Variants in SUGCT observed in about 807,000 individuals in gnomAD.
The protein encoded by SUGCT is succinyl-CoA:glutarate-CoA transferase, also known as succinyl-CoA:glutarate CoA-transferase.
Under a neutral mutation model 55.0 loss-of-function variants are expected in SUGCT, and 41 were observed. The observed-to-expected ratio is 0.74, with a 90% confidence interval of 0.58 to 0.97. The LOEUF is 0.97. Among genes scored for constraint, SUGCT ranks in the 50% least tolerant of loss-of-function variants. The pLI is 0.00. For missense variants in SUGCT, 568 were observed against 547.8 expected (o/e 1.04, Z -0.37); for synonymous variants, 187 against 200.4 (o/e 0.93, Z 0.56).
intron 7 of SUGCT, among the ~76,000 whole-genome samples, chr7:40,240,097 A>T (rs1262951541): frequency 6.6e-6 from 1 of 152,216 alleles, no homozygotes. Context: ...TGCTATGAAC[A>T]TATATAAATA....
chr7:40,699,375 C>T (rs573683951), intron 12 of SUGCT, among the ~76,000 whole-genome samples: 1 of 151,944 alleles, frequency 6.6e-6, no homozygotes, highest in South Asian at 2.1e-4. Flanking sequence ...AAGGTGGGGA[C>T]GTGAGAAGAA....
intron 9 of SUGCT, among the ~76,000 whole-genome samples, chr7:40,427,128 A>T (rs952845845): frequency 1.3e-5 from 2 of 152,170 alleles, no homozygotes; most frequent in Non-Finnish European, 2.9e-5. Flanking sequence ...CACATTTTAA[A>T]TTTTGATTGA....
At chr7:40,515,220 C>T (rs1025922851) in intron 12 of SUGCT, among the ~76,000 whole-genome samples, 6 of 152,186 alleles carry the variant, frequency 3.9e-5, no homozygotes, top group East Asian at 3.8e-4. Context: ...TCCTGATCCA[C>T]GGCCATCATT....
chr7:40,319,873 A>C (rs1466643451), intron 9 of SUGCT, among the ~76,000 whole-genome samples: 2 of 152,134 alleles, frequency 1.3e-5, no homozygotes, highest in Non-Finnish European at 2.9e-5. Flanking sequence ...TCCAGGCTGG[A>C]GTGCAGTGGT....
chr7:40,756,076 T>C (rs1788238470), intron 13 of SUGCT, among the ~76,000 whole-genome samples: 1 of 152,224 alleles, frequency 6.6e-6, no homozygotes, highest in Non-Finnish European at 1.5e-5. Context: ...TAAAGTTGAA[T>C]GTACTCCTCT....
chr7:40,483,983 A>G (rs1562808867), intron 11 of SUGCT, among the ~76,000 whole-genome samples: 1 of 152,188 alleles, frequency 6.6e-6, no homozygotes. Flanking sequence ...ACCCTTAGGA[A>G]ATCACTGATA....
intron 9 of SUGCT, among the ~76,000 whole-genome samples, chr7:40,383,711 G>T (rs1370377720): frequency 6.6e-6 from 1 of 152,124 alleles, no homozygotes; most frequent in African/African-American, 2.4e-5. Context: ...GTGGCTTCCC[G>T]GAGGAAATGA....
At chr7:40,964,080 T>G in the SUGCT span, among the ~76,000 whole-genome samples, 1 of 152,248 alleles carries the variant, frequency 6.6e-6, no homozygotes, top group African/African-American at 2.4e-5. Flanking sequence ...TACATAGTAT[T>G]TCTTGATGTA....
the SUGCT span, among the ~76,000 whole-genome samples, chr7:40,866,277 G>C: frequency 7.2e-5 from 11 of 152,138 alleles, no homozygotes; most frequent in Middle Eastern, 0.017. Context: ...GTGGCAACAC[G>C]CATAACACAC....
intron 9 of SUGCT, among the ~76,000 whole-genome samples, chr7:40,351,703 A>G (rs1230536267): frequency 6.6e-6 from 1 of 152,212 alleles, no homozygotes; most frequent in African/African-American, 2.4e-5. Context: ...TCACATTTAG[A>G]GTTTGGTTAA....
chr7:40,467,216 A>AC (rs1790166035), intron 11 of SUGCT, among the ~76,000 whole-genome samples: 1 of 151,468 alleles, frequency 6.6e-6, no homozygotes, highest in Admixed American at 6.6e-5. Flanking sequence ...AAAAAAAAAA[A>AC]AAAAAAAAAA....
intron 12 of SUGCT, among the ~76,000 whole-genome samples, chr7:40,575,831 G>C (rs1796713236): frequency 6.6e-6 from 1 of 151,986 alleles, no homozygotes; most frequent in South Asian, 2.1e-4. Flanking sequence ...TGTAATCCCA[G>C]CTACTCAACA....
downstream of SUGCT, among the ~76,000 whole-genome samples, chr7:40,861,738 C>T (rs1016415922): frequency 1.3e-5 from 2 of 152,222 alleles, no homozygotes; most frequent in Admixed American, 1.3e-4. Flanking sequence ...TGTCTTCTCA[C>T]AAGGTCTTGT....
At chr7:40,798,827 C>T (rs538743297) in intron 13 of SUGCT, among the ~76,000 whole-genome samples, 2 of 152,172 alleles carry the variant, frequency 1.3e-5, no homozygotes, top group African/African-American at 4.8e-5. Context: ...TGACTTAGCA[C>T]TTAACAGTAC....
chr7:40,291,611 A>T (rs1254126484), intron 8 of SUGCT, among the ~76,000 whole-genome samples: 2 of 151,676 alleles, frequency 1.3e-5, no homozygotes, highest in South Asian at 2.1e-4. Flanking sequence ...CATATGTAAC[A>T]AACCTGCACA....
intron 1 of SUGCT, among the ~76,000 whole-genome samples, chr7:40,175,841 G>C (rs560926624): frequency 6.6e-6 from 1 of 152,244 alleles, no homozygotes; most frequent in East Asian, 1.9e-4. Context: ...CTGGGAACAT[G>C]CACAATGACC....
chr7:40,325,463 A>C (rs1384438626), intron 9 of SUGCT, among the ~76,000 whole-genome samples: 1 of 152,190 alleles, frequency 6.6e-6, no homozygotes, highest in Non-Finnish European at 1.5e-5. Flanking sequence ...ATATGTATAC[A>C]TACATGTATG....
intron 9 of SUGCT, among the ~76,000 whole-genome samples, chr7:40,441,381 C>T (rs996745535): frequency 6.6e-6 from 1 of 152,006 alleles, no homozygotes; most frequent in Non-Finnish European, 1.5e-5. Flanking sequence ...TTGGACCAGA[C>T]ATTTTCTTCA....
intron 9 of SUGCT, among the ~76,000 whole-genome samples, chr7:40,365,561 A>G (rs192570550): frequency 1.3e-5 from 2 of 152,122 alleles, no homozygotes; most frequent in Admixed American, 6.6e-5. Flanking sequence ...CAACTTCAGC[A>G]AAGTCTCAGG....
Sources: allele counts gnomAD v4.1 joint callset (sites outside exome capture counted in the v4.1 genomes callset), GRCh38; gene constraint gnomAD v4.1.1; transcripts MANE v1.5; gene names NCBI Gene and HGNC (gene_info 2026-07-23, HGNC 2026-07-21).